PCCB: variants seen among roughly 807,000 people sequenced by gnomAD.
The protein encoded by PCCB is propionyl-CoA carboxylase beta chain, mitochondrial.
In PCCB, 43 loss-of-function variants were observed where a neutral mutation model predicts 60.7. The ratio of observed to expected loss-of-function variants is 0.71; its 90% CI spans 0.55 to 0.91. The LOEUF (loss-of-function observed/expected upper bound fraction) is 0.91, where lower values mean the gene tolerates loss of function less well. PCCB is among the 40% of genes least tolerant of loss of function. PCCB has a pLI of 0.00. For synonymous variants in PCCB, 276 were observed against 255.9 expected, an observed-to-expected ratio of 1.08 and a Z score of -0.75; for missense variants, 766 against 702.8, an observed-to-expected ratio of 1.09 and a Z score of -1.02.
chr3:136,270,368 C>G (rs1942162160), intron 5 of PCCB, among the ~76,000 whole-genome samples: 2 of 152,142 alleles, frequency 1.3e-5, no homozygotes, highest in South Asian at 4.1e-4. Flanking sequence ...TAATTCTCAC[C>G]TCATAGAATG....
At chr3:136,321,441 G>T (rs1935106017) in intron 10 of PCCB, among the ~76,000 whole-genome samples, 1 of 152,238 alleles carries the variant, frequency 6.6e-6, no homozygotes, top group South Asian at 2.1e-4. Context: ...GTTCCATATG[G>T]CTGGGAAGGC....
chr3:136,282,750 G>A (rs1036162062), intron 5 of PCCB, among the ~76,000 whole-genome samples: 3 of 152,254 alleles, frequency 2.0e-5, no homozygotes, highest in Admixed American at 2.0e-4. Flanking sequence ...ATTGGTTCTT[G>A]TGGATTTGAA....
chr3:136,300,019 T>C (rs913153741), intron 8 of PCCB, among the ~76,000 whole-genome samples: 34 of 152,058 alleles, frequency 2.2e-4, no homozygotes, highest in African/African-American at 6.5e-4. Context: ...TATGCATGTG[T>C]ACACGCCCAC....
intron 9 of PCCB, among the ~76,000 whole-genome samples, chr3:136,310,139 G>A (rs527500332): frequency 2.0e-5 from 3 of 152,194 alleles, no homozygotes; most frequent in East Asian, 1.9e-4. Context: ...CGAGGTGGGC[G>A]GATCACCTGA....
intron 5 of PCCB, among the ~76,000 whole-genome samples, chr3:136,262,857 G>A (rs770397538): frequency 5.9e-5 from 9 of 152,116 alleles, no homozygotes; most frequent in Admixed American, 5.9e-4. Flanking sequence ...ACAAAAGAGC[G>A]GCCCTCAGAG....
At chr3:136,295,554 C>T (rs1933894037) in intron 7 of PCCB, among the ~76,000 whole-genome samples, 1 of 152,206 alleles carries the variant, frequency 6.6e-6, no homozygotes, top group South Asian at 2.1e-4. Context: ...TTGGCAGCAG[C>T]CTGTTTTTCT....
chr3:136,325,388 A>T (rs1480028353), intron 10 of PCCB, among the ~76,000 whole-genome samples: 1 of 144,222 alleles, frequency 6.9e-6, no homozygotes, highest in Middle Eastern at 3.3e-3. Flanking sequence ...TTTGAGATGG[A>T]GTCTCACTCT....
At chr3:136,262,503 C>G (rs1444927790) in intron 5 of PCCB, among the ~76,000 whole-genome samples, 1 of 152,124 alleles carries the variant, frequency 6.6e-6, no homozygotes, top group Non-Finnish European at 1.5e-5. Context: ...AATGAAATCA[C>G]CCCAGATCCT....
rs397694948 is a variant in PCCB, at chr3:136,317,212, ATTTTTTTTTTTTTTT to A, written c.1090+164_1090+178del. On this transcript the variant is annotated intron_variant, in intron 10 of 14. Transcript: ENST00000251654. Reference sequence around the variant, plus strand: ...ATCTAAATGGTTGTTATAAAAGCTAATTTTTTTTTTTTTTTTTTTTTTTTTTTTTTAGACAGGGTC... The same window carrying A: ...ATCTAAATGGTTGTTATAAAAGCTAATTTTTTTTTTTTTTTAGACAGGGTC... 5.4e-4 allele frequency: 141 copies of A among 259,644 alleles called. 1 individual carries two copies. The highest frequency in any genetic ancestry group is 1.0e-3 in the Middle Eastern group (1 of 956). 16.1% of individuals were successfully genotyped at this position (259,644 alleles called of 1,614,324 possible).
intron 5 of PCCB, among the ~76,000 whole-genome samples, chr3:136,277,977 A>T (rs944783566): frequency 6.6e-6 from 1 of 152,080 alleles, no homozygotes; most frequent in Admixed American, 6.5e-5. Flanking sequence ...TGGACAAAGG[A>T]GTTCATCCTC....
chr3:136,292,628 G>T (rs1417263091), intron 6 of PCCB, among the ~76,000 whole-genome samples: 1 of 152,204 alleles, frequency 6.6e-6, no homozygotes, highest in Non-Finnish European at 1.5e-5. Flanking sequence ...TTTGAGAACA[G>T]TGTGTATTGA....
chr3:136,313,340 C>G (rs760080697), intron 9 of PCCB, among the ~76,000 whole-genome samples: 2 of 152,140 alleles, frequency 1.3e-5, no homozygotes, highest in Non-Finnish European at 2.9e-5. Context: ...ATGTAAGCCA[C>G]GTGTAGATTG....
intron 6 of PCCB, 64 bp from the exon 7 acceptor site, chr3:136,293,692 A>C: frequency 3.0e-6 from 3 of 992,930 alleles, no homozygotes; most frequent in Non-Finnish European, 3.2e-6. Flanking sequence ...GGCTGAATCA[A>C]CTCTAAGGCT....
intron 3 of PCCB, chr3:136,259,182 A>G (rs2108142058): frequency 1.4e-6 from 2 of 1,462,848 alleles, no homozygotes; most frequent in East Asian, 5.4e-5. Flanking sequence ...ACAGCAAATA[A>G]TAGGCTGGGC....
rs147625921 is a variant in PCCB at position 136,289,789 on chromosome 3, C to CTTTTTTTTTTTT, written c.655-3958_655-3957insTTTTTTTTTTTT. ...TTTTCTCCTTTATTAACATGTTATA[C>CTTTTTTTTTTTT]TTTTTTTTTACCTTCTTCAGTGGTT... is the stretch of plus-strand genomic sequence containing the variant. On this transcript the variant is annotated intron_variant, in intron 6 of 14. Transcript: ENST00000251654. Among the ~76,000 whole-genome samples, 1,334 of 141,660 alleles carry CTTTTTTTTTTTT rather than the reference C, an allele frequency of 9.4e-3. 11 individuals carry two copies. The highest frequency in any genetic ancestry group is 0.018 in the Middle Eastern group (5 of 278). The allele number at this position is 141,660 out of a possible 152,430, so 92.9% of individuals were successfully genotyped here.
At chr3:136,284,039 T>A (rs1933231471) in intron 6 of PCCB, 92 bp downstream of exon 6, 1 of 813,514 alleles carries the variant, frequency 1.2e-6, no homozygotes, top group Admixed American at 1.8e-5. Flanking sequence ...ATCTAGGTTG[T>A]TACCTGCATT....
chr3:136,285,551 C>T (rs947945763), intron 6 of PCCB, among the ~76,000 whole-genome samples: 4 of 150,542 alleles, frequency 2.7e-5, no homozygotes, highest in Admixed American at 6.6e-5. Context: ...ACCACTAAAT[C>T]GTTTTTTTTT....
intron 2 of PCCB, 143 bp from the exon 3 acceptor site, chr3:136,256,412 G>C: frequency 1.4e-6 from 1 of 698,864 alleles, no homozygotes; most frequent in Admixed American, 2.1e-5. Flanking sequence ...GGAAAGTGGG[G>C]TGGGATTCCT....
rs1039491317 is a variant in PCCB, at chr3:136,250,565, C to T, written c.183+7C>T. ...TGACGCGCAGCACAAGCGAGTGAGT[C>T]CTGAGGGGCCTAAGTGAGTCCCGCC... On this transcript the variant is annotated splice_region_variant and intron_variant, in intron 1 of 14. Transcript: ENST00000251654. 6.8e-6 allele frequency: 11 copies of T among 1,609,090 alleles called. No homozygotes were observed. The African/African-American group carries it at 1.1e-4, about 16-fold the overall frequency.
Sources: allele counts gnomAD v4.1 joint callset (sites outside exome capture counted in the v4.1 genomes callset), GRCh38; gene constraint gnomAD v4.1.1; transcripts MANE v1.5; gene names NCBI Gene and HGNC (gene_info 2026-07-23, HGNC 2026-07-21).